Variants in SLC2A9 observed in about 807,000 individuals in gnomAD.
SLC2A9 encodes solute carrier family 2 member 9, also known as solute carrier family 2, facilitated glucose transporter member 9.
Under a neutral mutation model 50.6 loss-of-function variants are expected in SLC2A9, and 39 were observed. The ratio of observed to expected loss-of-function variants is 0.77; its 90% CI spans 0.60 to 1.01. The LOEUF (loss-of-function observed/expected upper bound fraction) is 1.01. Among genes scored for constraint, SLC2A9 ranks in the 50% least tolerant of loss-of-function variants. The probability of loss-of-function intolerance (pLI) is 0.00; values close to 1 mark genes in which losing one functional copy is unlikely to be tolerated. For missense variants in SLC2A9, 686 were observed against 677.6 expected, an observed-to-expected ratio of 1.01 and a Z score of -0.14; for synonymous variants, 324 against 276.9, an observed-to-expected ratio of 1.17 and a Z score of -1.69.
intron 3 of SLC2A9, among the ~76,000 whole-genome samples, chr4:9,819,749 C>G (rs532311049): frequency 6.6e-6 from 1 of 152,362 alleles, no homozygotes; most frequent in East Asian, 1.9e-4. Context: ...GCCTGGCTAA[C>G]ATGGTGAAAC....
intron 10 of SLC2A9, among the ~76,000 whole-genome samples, chr4:9,838,052 T>C (rs757168937): frequency 1.3e-5 from 2 of 152,202 alleles, no homozygotes; most frequent in Non-Finnish European, 2.9e-5. Context: ...AAACACTTAA[T>C]ATAAGTCTTG....
downstream of SLC2A9, among the ~76,000 whole-genome samples, chr4:9,825,362 A>G (rs1724966736): frequency 6.6e-6 from 1 of 152,194 alleles, no homozygotes; most frequent in Non-Finnish European, 1.5e-5. Context: ...AGTCAAGATG[A>G]GTAATCACCC....
intron 5 of SLC2A9, among the ~76,000 whole-genome samples, chr4:9,974,129 C>T (rs1713480974): frequency 6.6e-6 from 1 of 152,152 alleles, no homozygotes; most frequent in Admixed American, 6.5e-5. Context: ...ATTAAACAAT[C>T]ATACCTCAAA....
Position 9,810,460 on chromosome 4 carries a change from C to T in SLC2A9, n.421-11219G>A, listed in dbSNP as rs182991141. 2.0e-5 allele frequency among the ~76,000 whole-genome samples: 3 copies of T among 152,332 alleles called. No homozygotes were observed. In the East Asian group the frequency reaches 5.8e-4, roughly 29 times the overall value. ...AAGGGATGAGATTTTGGTAAATTCA[C>T]CATGGTGTGTCTTTTAGCCTTCAAG... is the stretch of plus-strand genomic sequence containing the variant. On this transcript the variant is annotated intron_variant and non_coding_transcript_variant, in intron 3 of 3. Transcript: ENST00000503280.
intron 11 of SLC2A9, among the ~76,000 whole-genome samples, chr4:9,829,930 T>C (rs1331324109): frequency 6.6e-6 from 1 of 152,208 alleles, no homozygotes; most frequent in Non-Finnish European, 1.5e-5. Flanking sequence ...TTAAATTAGT[T>C]CAATCATTGT....
chr4:9,966,501 CA>C, intron 5 of SLC2A9, among the ~76,000 whole-genome samples: 1 of 152,000 alleles, frequency 6.6e-6, no homozygotes, highest in East Asian at 1.9e-4. Flanking sequence ...ACCAAAAATA[CA>C]AAAATTAGCC....
chr4:9,934,745 C>T (rs1746751073), intron 6 of SLC2A9, among the ~76,000 whole-genome samples: 1 of 152,212 alleles, frequency 6.6e-6, no homozygotes, highest in Admixed American at 6.5e-5. Context: ...CTGTACCTAT[C>T]AACCTGTCGT....
At position 9,996,942 on chromosome 4, in the gene SLC2A9, C is replaced by T. The variant is rs999571682; in HGVS notation, c.250-1G>A. Reference sequence around the variant, plus strand: ...ACTCATTGTAAAAGGCCTTGATGTACTGAAAATAAACAACAAACCATGTTA... The same window carrying T: ...ACTCATTGTAAAAGGCCTTGATGTATTGAAAATAAACAACAAACCATGTTA... On this transcript the variant is annotated splice_acceptor_variant, in intron 2 of 11. Coordinates refer to ENST00000264784, the MANE Select transcript of SLC2A9 (RefSeq NM_020041.3). LOFTEE classifies it high-confidence loss of function. The T allele has an allele frequency of 1.2e-6, 2 of 1,613,868 alleles. No individual in the cohort carries two copies. Among genetic ancestry groups the T allele is most frequent in the Non-Finnish European group, 1.7e-6 (2 of 1,179,850 alleles).
chr4:9,789,689 C>T (rs1338797343), intron 3 of SLC2A9, among the ~76,000 whole-genome samples: 1 of 152,210 alleles, frequency 6.6e-6, no homozygotes, highest in Non-Finnish European at 1.5e-5. Flanking sequence ...ATGAGTACCC[C>T]TACTCACAAG....
At chr4:9,928,675 A>G (rs1273049770) in intron 6 of SLC2A9, among the ~76,000 whole-genome samples, 2 of 152,220 alleles carry the variant, frequency 1.3e-5, no homozygotes, top group African/African-American at 4.8e-5. Context: ...TGGAGGTTGC[A>G]GTGAGCCGAA....
Position 9,890,687 on chromosome 4 carries a change from G to T in SLC2A9, c.1138C>A (p.Arg380=), listed in dbSNP as rs121908321. 1.2e-5 allele frequency: 19 copies of T among 1,613,962 alleles called. No homozygotes were observed. The highest frequency in any genetic ancestry group is 1.6e-5 in the Non-Finnish European group (19 of 1,180,004). The change falls in exon 9 of 12, where the codon CGG becomes AGG. Residue 380 remains arginine (R), a synonymous_variant. Transcript: ENST00000264784. ...AAGCCACCAATGAGGAGGGGTCTCC[G>T]TCCCAGGTGCTCAATGACCAAACCC... is the stretch of plus-strand genomic sequence containing the variant. ...FSGLVIEHLG[R]RPLLIGGFGL...
chr4:9,980,605 T>G lies in SLC2A9; in HGVS notation c.668A>C (p.Glu223Ala). The G allele has an allele frequency of 3.7e-6, 6 of 1,614,128 alleles. No individual in the cohort carries two copies. Among genetic ancestry groups the G allele is most frequent in the Non-Finnish European group, 5.1e-6 (6 of 1,180,018 alleles). The change falls in exon 5 of 12, where the codon GAG becomes GCG. Residue 223 changes from glutamate (E) to alanine (A), a missense_variant. Physicochemically the swap from Glu to Ala is moderately radical, Grantham distance 107 (BLOSUM62 -1). Coordinates refer to ENST00000264784, the MANE Select transcript of SLC2A9 (RefSeq NM_020041.3). Reference protein sequence around the residue: ...VFTGQLLGLPELLGKESTWPY... With the variant: ...VFTGQLLGLPALLGKESTWPY... The stretch of plus-strand genomic sequence containing the variant: ...AGCCACACTCACCTTTCCCAGCAGC[T>G]CGGGCAGGCCCAGAAGCTGCCCAGT...
intron 3 of SLC2A9, among the ~76,000 whole-genome samples, chr4:9,791,765 G>C (rs1355172242): frequency 6.6e-6 from 1 of 152,100 alleles, no homozygotes; most frequent in African/African-American, 2.4e-5. Context: ...CTTCAGATGA[G>C]ACCATAGCCT....
intron 3 of SLC2A9, among the ~76,000 whole-genome samples, chr4:9,821,134 T>C (rs1577390406): frequency 6.6e-6 from 1 of 152,206 alleles, no homozygotes; most frequent in South Asian, 2.1e-4. Context: ...GTTTTGAACA[T>C]AGAGGGATGT....
intron 10 of SLC2A9, chr4:9,879,635 T>G (rs1249208325): frequency 2.0e-6 from 2 of 985,270 alleles, no homozygotes; most frequent in African/African-American, 3.5e-5. Flanking sequence ...AGACCTTAAT[T>G]CGCACCTTGA....
intron 11 of SLC2A9, 59 bp downstream of exon 11, chr4:9,834,822 C>T: frequency 6.2e-7 from 1 of 1,612,476 alleles, no homozygotes; most frequent in South Asian, 1.1e-5. Flanking sequence ...TGAATCACCC[C>T]TCAAGTGCTG....
intron 7 of SLC2A9, among the ~76,000 whole-genome samples, chr4:9,909,110 G>A (rs1381112813): frequency 4.6e-5 from 7 of 152,200 alleles, no homozygotes; most frequent in Non-Finnish European, 1.0e-4. Flanking sequence ...CATACAAGGT[G>A]AAAGATGTTC....
At chr4:9,996,729 A>T in intron 3 of SLC2A9, 52 bp downstream of exon 3, 1 of 1,601,720 alleles carries the variant, frequency 6.2e-7, no homozygotes, top group Non-Finnish European at 8.5e-7. Context: ...AATGACACAG[A>T]TATATTATGA....
At chr4:10,012,415 AT>A (rs1192652463) in intron 2 of SLC2A9, among the ~76,000 whole-genome samples, 1 of 152,202 alleles carries the variant, frequency 6.6e-6, no homozygotes, top group Non-Finnish European at 1.5e-5. Context: ...TTTAGCAAAT[AT>A]TTTTTATAAA....
Sources: gnomAD v4.1 joint callset for allele counts (sites outside exome capture counted in the v4.1 genomes callset) on GRCh38, gnomAD v4.1.1 for gene constraint, MANE v1.5 for transcripts, NCBI Gene and HGNC (gene_info 2026-07-23, HGNC 2026-07-21) for gene names.